TEX101: variants seen among roughly 807,000 people sequenced by gnomAD.
The protein encoded by TEX101 is testis-expressed protein 101.
In TEX101, 10 loss-of-function variants were observed where a neutral mutation model predicts 18.1. The ratio of observed to expected loss-of-function variants is 0.55; its 90% CI spans 0.34 to 0.94. The LOEUF (loss-of-function observed/expected upper bound fraction) is 0.94, where lower values mean the gene tolerates loss of function less well. TEX101 is among the 40% of genes least tolerant of loss of function. The probability of loss-of-function intolerance (pLI) is 0.02; values close to 1 mark genes in which losing one functional copy is unlikely to be tolerated. For missense variants in TEX101, 259 were observed against 298.9 expected, an observed-to-expected ratio of 0.87 and a Z score of 0.98; for synonymous variants, 94 against 114.8, an observed-to-expected ratio of 0.82 and a Z score of 1.16.
At chr19:43,394,498 TCTCA>T in the TEX101 span, among the ~76,000 whole-genome samples, 10 of 148,532 alleles carry the variant, frequency 6.7e-5, no homozygotes, top group African/African-American at 2.5e-4. Context: ...TGCAACAGAG[TCTCA>T]CTCTGTCGCC....
At chr19:43,410,315 G>A (rs1970407275), upstream of TEX101, among the ~76,000 whole-genome samples, 1 of 152,130 alleles carries the variant, frequency 6.6e-6, no homozygotes, top group South Asian at 2.1e-4. Flanking sequence ...AAATGCATGG[G>A]GGAAGCGGAT....
chr19:43,404,483 C>T (rs1970344614), intron 2 of TEX101, among the ~76,000 whole-genome samples: 1 of 152,108 alleles, frequency 6.6e-6, no homozygotes, highest in Non-Finnish European at 1.5e-5. Flanking sequence ...TAATATACTA[C>T]AATTTGTTTG....
the TEX101 span, among the ~76,000 whole-genome samples, chr19:43,395,613 C>A: frequency 1.0e-3 from 154 of 152,332 alleles, no homozygotes; most frequent in African/African-American, 3.6e-3. Context: ...ACCTCCCATT[C>A]CCAGGAACGG....
At chr19:43,404,771 T>G (rs955846282) in intron 2 of TEX101, among the ~76,000 whole-genome samples, 8 of 151,008 alleles carry the variant, frequency 5.3e-5, no homozygotes, top group African/African-American at 1.9e-4. Context: ...TATATAAATA[T>G]ATATATACTT....
the TEX101 span, among the ~76,000 whole-genome samples, chr19:43,391,232 C>G: frequency 6.6e-6 from 1 of 152,058 alleles, no homozygotes; most frequent in Non-Finnish European, 1.5e-5. Context: ...CTGCTGGGGC[C>G]CCTGCTTTCC....
chr19:43,396,402 G>T, the TEX101 span, among the ~76,000 whole-genome samples: 20 of 152,064 alleles, frequency 1.3e-4, no homozygotes, highest in Non-Finnish European at 2.9e-4. Context: ...CTGTTTTTCT[G>T]TAGCCTCATC....
At chr19:43,415,616 C>A (rs951033580) in intron 1 of TEX101, among the ~76,000 whole-genome samples, 10 of 151,916 alleles carry the variant, frequency 6.6e-5, no homozygotes, top group Admixed American at 4.6e-4. Context: ...ACAAAAAATT[C>A]ACTGGGTGTG....
At chr19:43,413,188 C>T (rs187861225), upstream of TEX101, among the ~76,000 whole-genome samples, 1 of 152,300 alleles carries the variant, frequency 6.6e-6, no homozygotes, top group East Asian at 1.9e-4. Context: ...TTCATGTGGA[C>T]CCCTCGAAGT....
chr19:43,414,406 G>A (rs1359179152), upstream of TEX101, among the ~76,000 whole-genome samples: 1 of 152,150 alleles, frequency 6.6e-6, no homozygotes, highest in Non-Finnish European at 1.5e-5. Context: ...ATCAGATGAA[G>A]ACGCCTGGGC....
At chr19:43,407,321 C>T (rs1015636732) in intron 3 of TEX101, among the ~76,000 whole-genome samples, 1 of 152,056 alleles carries the variant, frequency 6.6e-6, no homozygotes, top group Non-Finnish European at 1.5e-5. Flanking sequence ...CCCATCTCTA[C>T]TGAAAATACA....
chr19:43,402,195 A>C (rs761793305), intron 1 of TEX101, among the ~76,000 whole-genome samples: 7 of 152,276 alleles, frequency 4.6e-5, no homozygotes, highest in Non-Finnish European at 1.0e-4. Flanking sequence ...ATGTCCCTTT[A>C]TGTATACAGA....
chr19:43,415,895 C>T lies in TEX101; in HGVS notation c.-25C>T. The T allele has an allele frequency of 6.2e-7, 1 of 1,614,126 alleles. No homozygotes were observed. Among genetic ancestry groups the T allele is most frequent in the Non-Finnish European group, 8.5e-7 (1 of 1,180,020 alleles). On this transcript the variant is annotated 5_prime_UTR_variant, in exon 2 of 6. Transcript: ENST00000598265. ...CAAATTCACAGATCCAGACCAGCTCCTCCCAGACCTCTCCAGAAGAAGCCA... is the reference window on the plus strand; with the variant it reads ...CAAATTCACAGATCCAGACCAGCTCTTCCCAGACCTCTCCAGAAGAAGCCA...
chr19:43,413,268 GGGGC>G (rs2122340393), upstream of TEX101, among the ~76,000 whole-genome samples: 1 of 152,208 alleles, frequency 6.6e-6, no homozygotes, highest in Admixed American at 6.5e-5. Context: ...AGCACTTTGG[GGGGC>G]GGGCGGATCA....
At chr19:43,408,870 C>A (rs1372721727) in intron 3 of TEX101, among the ~76,000 whole-genome samples, 2 of 152,168 alleles carry the variant, frequency 1.3e-5, no homozygotes, top group African/African-American at 4.8e-5. Context: ...ACCGATGCTG[C>A]CATCTGATAC....
At chr19:43,413,495 C>CACT (rs1417964169), upstream of TEX101, among the ~76,000 whole-genome samples, 1 of 28,102 alleles carries the variant, frequency 3.6e-5, no homozygotes, top group Non-Finnish European at 6.2e-5. Context: ...GAGGGAGACT[C>CACT]CAAAAAAAAA....
upstream of TEX101, among the ~76,000 whole-genome samples, chr19:43,411,189 G>A (rs189468977): frequency 7.2e-5 from 11 of 152,248 alleles, no homozygotes; most frequent in Non-Finnish European, 1.3e-4. Flanking sequence ...TGATTCTCTC[G>A]CTGCAGCATC....
chr19:43,390,445 C>CTTTT, the TEX101 span, among the ~76,000 whole-genome samples: 2 of 69,108 alleles, frequency 2.9e-5, no homozygotes, highest in Non-Finnish European at 6.0e-5. Context: ...CTTCTCTTTT[C>CTTTT]TTTTCTTTTT....
chr19:43,415,421 G>A (rs531032125), intron 1 of TEX101, among the ~76,000 whole-genome samples: 1 of 152,056 alleles, frequency 6.6e-6, no homozygotes, highest in East Asian at 1.9e-4. Context: ...CTCACAAGCC[G>A]GTTAGGGACA....
At chr19:43,389,031 C>A in the TEX101 span, among the ~76,000 whole-genome samples, 1 of 152,142 alleles carries the variant, frequency 6.6e-6, no homozygotes, top group Non-Finnish European at 1.5e-5. Flanking sequence ...TCCCTCCCTT[C>A]CATGTGCTGA....
Sources: gnomAD v4.1 joint callset for allele counts (sites outside exome capture counted in the v4.1 genomes callset) on GRCh38, gnomAD v4.1.1 for gene constraint, MANE v1.5 for transcripts, NCBI Gene and HGNC (gene_info 2026-07-23, HGNC 2026-07-21) for gene names.